PDE1A: variants seen among roughly 807,000 people sequenced by gnomAD.
The protein encoded by PDE1A is dual specificity calcium/calmodulin-dependent 3',5'-cyclic nucleotide phosphodiesterase 1A.
Under a neutral mutation model 61.7 loss-of-function variants are expected in PDE1A, and 35 were observed. That is an observed-to-expected ratio of 0.57 (90% CI 0.43 to 0.75). The LOEUF is 0.75. Among genes scored for constraint, PDE1A ranks in the 30% least tolerant of loss-of-function variants. The pLI, the probability that PDE1A is intolerant of heterozygous loss-of-function variation, is 0.00. For synonymous variants in PDE1A, 232 were observed against 213.2 expected (o/e 1.09, Z -0.77); for missense variants, 597 against 630.6 (o/e 0.95, Z 0.57).
intron 1 of PDE1A, among the ~76,000 whole-genome samples, chr2:182,291,047 T>G (rs1694497595): frequency 6.6e-6 from 1 of 152,074 alleles, no homozygotes; most frequent in Non-Finnish European, 1.5e-5. Flanking sequence ...TTCTCCATCA[T>G]AGCTCATCCA....
rs184846545 is a variant in PDE1A at position 182,261,968 on chromosome 2, T to A, written c.167+2333A>T. Among the ~76,000 whole-genome samples the A allele has an allele frequency of 2.6e-3, 396 of 152,210 alleles. 1 individual carries two copies. The highest frequency in any genetic ancestry group is 9.2e-3 in the African/African-American group (382 of 41,546). The stretch of plus-strand genomic sequence containing the variant: ...TAAATCTTAAACCTGTTAAGTTGAA[T>A]CATCTTGTGAACAATAAGAGCACAC... On this transcript the variant is annotated intron_variant, in intron 2 of 13. Transcript: ENST00000351439.
chr2:182,442,964 C>A (rs1005501710), intron 2 of PDE1A, among the ~76,000 whole-genome samples: 4 of 151,900 alleles, frequency 2.6e-5, no homozygotes, highest in African/African-American at 9.7e-5. Flanking sequence ...ACAAAACAAT[C>A]CGTAATAAAT....
chr2:182,481,269 C>T (rs1230891099), intron 2 of PDE1A, among the ~76,000 whole-genome samples: 1 of 151,676 alleles, frequency 6.6e-6, no homozygotes, highest in African/African-American at 2.4e-5. Flanking sequence ...ATGTTTAGGC[C>T]TCAAGAAACC....
chr2:182,247,199 G>A (rs1363402999), intron 2 of PDE1A, among the ~76,000 whole-genome samples: 2 of 145,958 alleles, frequency 1.4e-5, no homozygotes, highest in Non-Finnish European at 2.9e-5. Flanking sequence ...TATATTTGGT[G>A]TAGAAAAAAA....
At chr2:182,430,825 GA>G, upstream of PDE1A, among the ~76,000 whole-genome samples, 1 of 127,652 alleles carries the variant, frequency 7.8e-6, no homozygotes, top group Admixed American at 8.2e-5. Context: ...GATGAAATTG[GA>G]AACCATCATT....
chr2:182,438,672 A>G (rs182349916), intron 2 of PDE1A, among the ~76,000 whole-genome samples: 1 of 152,056 alleles, frequency 6.6e-6, no homozygotes, highest in Admixed American at 6.6e-5. Flanking sequence ...ATGCCATAGT[A>G]TTCAGGAAGG....
At chr2:182,693,860 TG>T in the PDE1A span, among the ~76,000 whole-genome samples, 1 of 152,160 alleles carries the variant, frequency 6.6e-6, no homozygotes, top group African/African-American at 2.4e-5. Flanking sequence ...TTGGCCAGGC[TG>T]GTCTCAAACT....
At chr2:182,392,334 T>C (rs1221142146) in intron 1 of PDE1A, among the ~76,000 whole-genome samples, 1 of 152,168 alleles carries the variant, frequency 6.6e-6, no homozygotes, top group East Asian at 1.9e-4. Flanking sequence ...TGAGACTTAT[T>C]CATTATCACA....
intron 1 of PDE1A, among the ~76,000 whole-genome samples, chr2:182,265,731 G>C (rs1261674544): frequency 6.6e-6 from 1 of 152,108 alleles, no homozygotes; most frequent in Non-Finnish European, 1.5e-5. Flanking sequence ...TGTAAGCTGC[G>C]TGTTTCTGAA....
At chr2:182,353,635 T>G (rs1006238865) in intron 1 of PDE1A, among the ~76,000 whole-genome samples, 2 of 152,106 alleles carry the variant, frequency 1.3e-5, no homozygotes, top group Non-Finnish European at 2.9e-5. Context: ...AATGAAAATT[T>G]TATATTTAAT....
At chr2:182,234,540 T>C (rs1689854412) in intron 3 of PDE1A, 42 bp from the exon 4 acceptor site, 10 of 1,240,496 alleles carry the variant, frequency 8.1e-6, no homozygotes, top group Non-Finnish European at 1.1e-5. Flanking sequence ...AATTCATTTA[T>C]TCAAAGTTTT....
At chr2:182,479,575 T>A (rs996054932) in intron 2 of PDE1A, among the ~76,000 whole-genome samples, 1 of 151,736 alleles carries the variant, frequency 6.6e-6, no homozygotes, top group Admixed American at 6.6e-5. Flanking sequence ...TTAGGACACA[T>A]GACTGATTTT....
At chr2:182,658,047 TAAAAAAA>T in the PDE1A span, among the ~76,000 whole-genome samples, 2 of 66,662 alleles carry the variant, frequency 3.0e-5, no homozygotes, top group Admixed American at 3.9e-4. Flanking sequence ...AGCTTCTCAG[TAAAAAAA>T]AAAAAAAAAA....
intron 13 of PDE1A, among the ~76,000 whole-genome samples, chr2:182,183,388 C>G (rs536321878): frequency 4.6e-5 from 7 of 152,286 alleles, no homozygotes; most frequent in African/African-American, 1.7e-4. Context: ...ACCTTCTTGC[C>G]TGAAGTTACT....
the PDE1A span, among the ~76,000 whole-genome samples, chr2:182,573,160 A>G: frequency 6.6e-6 from 1 of 152,150 alleles, no homozygotes; most frequent in African/African-American, 2.4e-5. Context: ...ACCGTTTACA[A>G]TGTAGTTTAT....
intron 2 of PDE1A, among the ~76,000 whole-genome samples, chr2:182,493,681 T>C (rs980165510): frequency 6.6e-6 from 1 of 152,226 alleles, no homozygotes; most frequent in Non-Finnish European, 1.5e-5. Context: ...ATCCCAAATG[T>C]CTGTCAATTA....
intron 1 of PDE1A, among the ~76,000 whole-genome samples, chr2:182,269,447 C>T (rs906665353): frequency 4.0e-5 from 6 of 151,414 alleles, no homozygotes; most frequent in South Asian, 2.1e-4. Flanking sequence ...AAGATCGCCA[C>T]GATTGCACTC....
chr2:182,473,320 C>T (rs1004129594), intron 2 of PDE1A, among the ~76,000 whole-genome samples: 2 of 151,844 alleles, frequency 1.3e-5, no homozygotes, highest in Non-Finnish European at 2.9e-5. Flanking sequence ...GCAAAAGAAA[C>T]TACCATCAGA....
At chr2:182,424,924 A>C (rs749406772) in intron 1 of PDE1A, among the ~76,000 whole-genome samples, 1 of 152,192 alleles carries the variant, frequency 6.6e-6, no homozygotes, top group Non-Finnish European at 1.5e-5. Flanking sequence ...TCATGAAGCA[A>C]ATCACTTGAA....
Sources: gnomAD v4.1 joint callset for allele counts (sites outside exome capture counted in the v4.1 genomes callset) on GRCh38, gnomAD v4.1.1 for gene constraint, MANE v1.5 for transcripts, NCBI Gene and HGNC (gene_info 2026-07-23, HGNC 2026-07-21) for gene names.